The following EGF variants were observed in gnomAD, a reference collection of about 807,000 sequenced individuals.
The protein encoded by EGF is epidermal growth factor.
EGF carries 95 observed loss-of-function variants against 143.8 expected under a neutral mutation model. The observed-to-expected ratio is 0.66, with a 90% CI of 0.56 to 0.78. The LOEUF (loss-of-function observed/expected upper bound fraction) is 0.78, where lower values mean the gene tolerates loss of function less well. Ranked by LOEUF, EGF falls within the 30% of genes least tolerant of loss-of-function variation. The pLI is 0.00. For missense variants in EGF, 1,320 were observed against 1,470.9 expected (o/e 0.90, Z 1.68); for synonymous variants, 510 against 510.5 (o/e 1.00, Z 0.01).
chr4:109,919,676 A>C (rs1737435847), intron 1 of EGF, among the ~76,000 whole-genome samples: 1 of 148,106 alleles, frequency 6.8e-6, no homozygotes, highest in African/African-American at 2.7e-5. Flanking sequence ...TTCCAGGAGC[A>C]CTGTGGCCTC....
intron 11 of EGF, among the ~76,000 whole-genome samples, chr4:109,971,522 G>A (rs898298552): frequency 6.6e-6 from 1 of 152,094 alleles, no homozygotes; most frequent in East Asian, 1.9e-4. Context: ...AACAGTGTTT[G>A]ATTAATAGCA....
intron 23 of EGF, 30 bp from the exon 24 acceptor site, chr4:110,011,172 A>T (rs181925220): frequency 1.2e-6 from 2 of 1,612,350 alleles, no homozygotes. Context: ...AATGATATGA[A>T]TATTGAAATT....
chr4:109,977,366 A>C (rs1481115508), intron 13 of EGF: 3 of 152,198 alleles, frequency 2.0e-5, no homozygotes, highest in African/African-American at 7.2e-5. Context: ...TCTAAAAATT[A>C]AAGATATACT....
intron 1 of EGF, 61 bp from the exon 2 acceptor site, chr4:109,940,885 T>A: frequency 6.6e-7 from 1 of 1,515,178 alleles, no homozygotes; most frequent in Non-Finnish European, 9.2e-7. Flanking sequence ...TTGGGAAGTA[T>A]TTTGTTTAAA....
At position 109,987,768 on chromosome 4, in the gene EGF, G is replaced by A. The variant is rs1369607165; in HGVS notation, c.2516G>A (p.Gly839Glu). 3 of 1,613,870 alleles carry A rather than the reference G, an allele frequency of 1.9e-6. No homozygotes were observed. The highest frequency in any genetic ancestry group is 1.7e-5 in the Admixed American group (1 of 60,012). The stretch of plus-strand genomic sequence containing the variant: ...GATCAAGATGACTGTGCTCCTGTGG[G>A]ATGCAGCATGTATGCTCGGTGTATT... ...VSDQDDCAPV[G>E]CSMYARCISE... The change falls in exon 17 of 24, where the codon GGA (glycine) becomes GAA (glutamate). Residue 839 changes from glycine (G) to glutamate (E), a missense_variant. Transcript: ENST00000265171.
chr4:109,989,033 T>A (rs1440403031), intron 18 of EGF, among the ~76,000 whole-genome samples: 1 of 152,022 alleles, frequency 6.6e-6, no homozygotes, highest in South Asian at 2.1e-4. Flanking sequence ...ATGGGGGGAG[T>A]TGGACAGCAT....
chr4:109,955,845 C>A (rs555757081), intron 5 of EGF, among the ~76,000 whole-genome samples: 3 of 152,062 alleles, frequency 2.0e-5, no homozygotes, highest in African/African-American at 7.2e-5. Flanking sequence ...CATGCCTTAT[C>A]CTCAGAAGTT....
chr4:109,979,865 A>T, intron 13 of EGF, 107 bp from the exon 14 acceptor site: 1 of 1,346,912 alleles, frequency 7.4e-7, no homozygotes, highest in Non-Finnish European at 1.0e-6. Context: ...GTAGCTAAAG[A>T]GCTGATTTAG....
chr4:109,963,232 T>C lies in EGF; in HGVS notation c.1372T>C (p.Ser458Pro), dbSNP rs765706561. The change falls in exon 9 of 24, where the codon TCC becomes CCC. Residue 458 changes from serine (S) to proline (P), a missense_variant. Physicochemically the swap from Ser to Pro is moderately conservative, Grantham distance 74. Transcript: ENST00000265171. ...GCTCTGCGTTCCTCTTAGCCCAGTA[T>C]CCTGGGAATGTGATTGCTTTCCTGG... is the stretch of plus-strand genomic sequence containing the variant. ...SQLCVPLSPV[S>P]WECDCFPGYD... 1.9e-6 allele frequency: 3 copies of C among 1,613,932 alleles called. No individual in the cohort carries two copies. The highest frequency in any genetic ancestry group is 2.5e-6 in the Non-Finnish European group (3 of 1,179,970).
At chr4:109,993,211 CCA>C in intron 18 of EGF, 34 bp from the exon 19 acceptor site, 1 of 1,612,030 alleles carries the variant, frequency 6.2e-7, no homozygotes, top group Non-Finnish European at 8.5e-7. Context: ...TTTCTGTACC[CCA>C]CTTTTCTCTC....
chr4:109,932,288 A>T (rs1739847224), intron 1 of EGF, among the ~76,000 whole-genome samples: 2 of 147,764 alleles, frequency 1.4e-5, no homozygotes, highest in Non-Finnish European at 3.0e-5. Flanking sequence ...TTATGTGGTA[A>T]GGAATATTAA....
At chr4:109,992,300 C>T (rs1040333026) in intron 18 of EGF, 8 of 151,588 alleles carry the variant, frequency 5.3e-5, no homozygotes, top group African/African-American at 1.9e-4. Flanking sequence ...TGAAAGTCCC[C>T]TTAAACCTAA....
At position 109,999,721 on chromosome 4, in the gene EGF, C is replaced by G; in HGVS notation, c.3048C>G (p.Asp1016Glu). The G allele has an allele frequency of 3.1e-6, 5 of 1,614,074 alleles. No individual in the cohort carries two copies. The highest frequency in any genetic ancestry group is 4.2e-6 in the Non-Finnish European group (5 of 1,180,010). The change falls in exon 21 of 24, where the codon GAC becomes GAG. Residue 1016 changes from aspartate to glutamate, a missense_variant. Transcript: ENST00000265171. Reference sequence around the variant, plus strand: ...TCGGGGAGCGATGTCAGTACCGAGACCTGAAGTGGTGGGAACTGCGCCACG... The same window carrying G: ...TCGGGGAGCGATGTCAGTACCGAGAGCTGAAGTGGTGGGAACTGCGCCACG... The part of the protein sequence containing the change: ...GYIGERCQYR[D>E]LKWWELRHAG...
chr4:109,934,129 A>G (rs1245319240), intron 1 of EGF, among the ~76,000 whole-genome samples: 3 of 152,186 alleles, frequency 2.0e-5, no homozygotes, highest in African/African-American at 7.2e-5. Flanking sequence ...CTGGCGTAAG[A>G]TGGTATCTCA....
chr4:109,979,378 G>A (rs1363646298), intron 13 of EGF, among the ~76,000 whole-genome samples: 1 of 152,028 alleles, frequency 6.6e-6, no homozygotes, highest in Non-Finnish European at 1.5e-5. Flanking sequence ...CCAGGCCCTA[G>A]AGAAGGCAGG....
At chr4:109,974,066 A>G (rs1471499352) in intron 11 of EGF, among the ~76,000 whole-genome samples, 1 of 152,224 alleles carries the variant, frequency 6.6e-6, no homozygotes, top group Non-Finnish European at 1.5e-5. Context: ...GTATTTACAT[A>G]GCATTTACAT....
intron 1 of EGF, among the ~76,000 whole-genome samples, chr4:109,939,547 C>G (rs1741547550): frequency 6.6e-6 from 1 of 152,226 alleles, no homozygotes; most frequent in Admixed American, 6.5e-5. Context: ...TGGGCTGCAC[C>G]CACTGTCCAA....
At chr4:109,975,678 C>T (rs1237560486) in intron 12 of EGF, among the ~76,000 whole-genome samples, 1 of 152,172 alleles carries the variant, frequency 6.6e-6, no homozygotes, top group Non-Finnish European at 1.5e-5. Flanking sequence ...TTTTGCAGTA[C>T]AAAATGCTAA....
intron 11 of EGF, among the ~76,000 whole-genome samples, chr4:109,973,892 G>C (rs905092462): frequency 1.3e-5 from 2 of 152,158 alleles, no homozygotes; most frequent in African/African-American, 4.8e-5. Context: ...TTAATGTAAA[G>C]ATTAGCAAGT....
Sources: allele counts gnomAD v4.1 joint callset (sites outside exome capture counted in the v4.1 genomes callset), GRCh38; gene constraint gnomAD v4.1.1; transcripts MANE v1.5; gene names NCBI Gene and HGNC (gene_info 2026-07-23, HGNC 2026-07-21).